The following CARD14 variants were observed in gnomAD, a reference collection of about 807,000 sequenced individuals.
The protein encoded by CARD14 is caspase recruitment domain family member 14.
A neutral mutation model predicts 111.5 loss-of-function variants in CARD14; 107 were observed. That is an observed-to-expected ratio of 0.96 (90% confidence interval 0.82 to 1.13). The LOEUF (loss-of-function observed/expected upper bound fraction) is 1.13, where lower values mean the gene tolerates loss of function less well. CARD14 is among the 50% of genes most tolerant of loss of function. The pLI is 0.00. For missense variants in CARD14, 1,322 were observed against 1,362.3 expected, an observed-to-expected ratio of 0.97 and a Z score of 0.47; for synonymous variants, 617 against 579.6, an observed-to-expected ratio of 1.06 and a Z score of -0.93.
chr17:80,179,188 G>A lies in CARD14; in HGVS notation c.-134G>A, dbSNP rs2040094756. ...AAAGAATCAAGTCACAGGAATTCAT[G>A]GGTCTGTAAGGAATCGCTCCCATCT... On this transcript the variant is annotated 5_prime_UTR_variant, in exon 4 of 24. The change abolishes an upstream ATG in the 5' untranslated region. Transcript: ENST00000648509. 1 of 152,264 alleles carries A rather than the reference G, an allele frequency of 6.6e-6. No individual in the cohort carries two copies. Among genetic ancestry groups the A allele is most frequent in the South Asian group, 2.1e-4 (1 of 4,828 alleles). The allele number at this position is 152,264 out of a possible 1,614,324, so 9.4% of individuals were successfully genotyped here.
Position 80,198,606 on chromosome 17 carries a change from GCC to G in CARD14, c.1851+18_1851+19del, listed in dbSNP as rs773893409. ...AGATTGTGATGGTGAGCCGTGCGAG[GCC>G]CCTCCTGTCCCCCGGGCTCCTCATG... On this transcript the variant is annotated intron_variant, in intron 16 of 23. Transcript: ENST00000648509. The surrounding 1 kb of genome is among the most constrained non-coding windows in gnomAD (Gnocchi z 7.5). 7.4e-6 allele frequency: 12 copies of G among 1,610,972 alleles called. 1 individual carries two copies. In the South Asian group the frequency reaches 1.3e-4, roughly 18 times the overall value.
At position 80,207,105 on chromosome 17, in the gene CARD14, TG is replaced by T. The variant is rs577659879; in HGVS notation, c.2807+23del. 233 of 1,583,006 alleles carry T rather than the reference TG, an allele frequency of 1.5e-4. No homozygotes were observed. In the African/African-American group the frequency reaches 2.7e-3, roughly 19 times the overall value. ...GCTCAAGTAGGTGCACGCTGGGGGC[TG>T]GGCAGGGGCTTCGAAGCGGCTCCTG... On this transcript the variant is annotated intron_variant, in intron 23 of 23. Transcript: ENST00000648509.
intron 17 of CARD14, 50 bp from the exon 18 acceptor site, chr17:80,202,130 C>T: frequency 2.6e-6 from 4 of 1,512,850 alleles, no homozygotes; most frequent in Non-Finnish European, 2.7e-6. Context: ...ACCTTCCTCG[C>T]AGAGGCTCGT....
intron 4 of CARD14, 78 bp downstream of exon 4, chr17:80,179,379 A>G (rs896995516): frequency 4.6e-5 from 7 of 152,202 alleles, no homozygotes; most frequent in African/African-American, 1.7e-4. Flanking sequence ...AGCTGCATGT[A>G]TCAGTATGAG....
chr17:80,199,561 CAAAAAAA>C (rs34737700), intron 16 of CARD14, among the ~76,000 whole-genome samples: 4 of 68,782 alleles, frequency 5.8e-5, no homozygotes, highest in South Asian at 6.0e-4. Flanking sequence ...AGCCTTGTCT[CAAAAAAA>C]AAAAAAAAAA....
chr17:80,184,160 C>T lies in CARD14; in HGVS notation c.597C>T (p.Leu199=). 2 of 1,564,582 alleles carry T rather than the reference C, an allele frequency of 1.3e-6. No individual in the cohort carries two copies. The highest frequency in any genetic ancestry group is 1.7e-6 in the Non-Finnish European group (2 of 1,154,750). ...TGCTGAGGCTGAAGGACGAGATGCT[C>T]AGCCTCTCGCTGCACTATAGCAATG... ...HEVLRLKDEM[L]SLSLHYSNAL... is the part of the protein sequence containing the mutation. Residue 199 remains leucine (L), a synonymous_variant, in exon 7 of 24, where the codon CTC becomes CTT. Coordinates refer to ENST00000648509, the MANE Select transcript of CARD14 (RefSeq NM_001366385.1).
At position 80,201,890 on chromosome 17, in the gene CARD14, C is replaced by T. The variant is rs370551701; in HGVS notation, c.1978+20C>T. 55 of 1,596,422 alleles carry T rather than the reference C, an allele frequency of 3.4e-5. No individual in the cohort carries two copies. In the South Asian group the frequency reaches 4.6e-4, roughly 13 times the overall value. ...CGGACGGTACACATACCACTCCTCT[C>T]GTGTGCACAGCTGCCTGGCCAGACT... On this transcript the variant is annotated intron_variant, in intron 17 of 23. Transcript: ENST00000648509. This position sits in a 1 kb window ranked among gnomAD's most constrained non-coding sequence, Gnocchi z 5.0.
At chr17:80,192,429 C>A in intron 11 of CARD14, 74 bp from the exon 12 acceptor site, 1 of 1,121,068 alleles carries the variant, frequency 8.9e-7, no homozygotes, top group Non-Finnish European at 1.3e-6. Flanking sequence ...TGGTGCTGAC[C>A]TGGTAGAAAC....
rs1194257757 is a variant in CARD14 at position 80,201,327 on chromosome 17, G to C, written c.1852-417G>C. The C allele has an allele frequency of 5.7e-6, 1 of 174,164 alleles. No homozygotes were observed. The highest frequency in any genetic ancestry group is 5.5e-5 in the Admixed American group (1 of 18,026). The allele number at this position is 174,164 out of a possible 1,614,324, so 10.8% of individuals were successfully genotyped here. A position where few individuals can be genotyped will look rare whatever the true frequency, so the allele number is the denominator to read the frequency against. ...CAGGGCATCGGGTAGGTGAAGGCCAGGGATGCCACTCAGCATCCTGTAGGG... is the reference window on the plus strand; with the variant it reads ...CAGGGCATCGGGTAGGTGAAGGCCACGGATGCCACTCAGCATCCTGTAGGG... On this transcript the variant is annotated intron_variant, in intron 16 of 23. Transcript: ENST00000648509. This position sits in a 1 kb window ranked among gnomAD's most constrained non-coding sequence, Gnocchi z 5.0.
chr17:80,179,718 G>A (rs767340461), intron 4 of CARD14, among the ~76,000 whole-genome samples: 2 of 152,194 alleles, frequency 1.3e-5, no homozygotes, highest in Non-Finnish European at 2.9e-5. Context: ...TGCGGTCTCA[G>A]CTACTTGAGA....
intron 7 of CARD14, 45 bp downstream of exon 7, chr17:80,184,283 C>T: frequency 7.0e-7 from 1 of 1,428,776 alleles, no homozygotes; most frequent in Non-Finnish European, 9.3e-7. Context: ...CTGTCGTCTG[C>T]CCCCAGGCCT....
At chr17:80,181,330 C>T (rs973376212) in intron 4 of CARD14, 89 bp from the exon 5 acceptor site, 29 of 979,018 alleles carry the variant, frequency 3.0e-5, no homozygotes, top group African/African-American at 6.5e-5. Context: ...GCTAATTTTA[C>T]GATGGAGTTG....
At chr17:80,176,557 GACATTCCATCATCTGTAA>G (rs1370786597) in intron 2 of CARD14, among the ~76,000 whole-genome samples, 1 of 151,806 alleles carries the variant, frequency 6.6e-6, no homozygotes, top group Admixed American at 6.6e-5. Flanking sequence ...TTAACTTTAG[GACATTCCATCATCTGTAA>G]AGGAAACATC....
At chr17:80,174,433 G>A (rs761825645) in intron 2 of CARD14, among the ~76,000 whole-genome samples, 7 of 152,038 alleles carry the variant, frequency 4.6e-5, no homozygotes, top group Non-Finnish European at 7.4e-5. Context: ...GACTGGTCTG[G>A]AACTCCTGAC....
chr17:80,203,999 A>C lies in CARD14; in HGVS notation c.2283+114A>C. 1 of 910,144 alleles carries C rather than the reference A, an allele frequency of 1.1e-6. No homozygotes were observed. 56.4% of individuals were successfully genotyped at this position (910,144 alleles called of 1,614,324 possible). On this transcript the variant is annotated intron_variant, in intron 19 of 23. Transcript: ENST00000648509. The surrounding 1 kb of genome is among the most constrained non-coding windows in gnomAD (Gnocchi z 4.6). ...AGAGTGGGCTGCTGATTGGAGGGTA[A>C]CCCCACCTGTCTCTCCTCTGCACCC... is the stretch of plus-strand genomic sequence containing the variant.
chr17:80,193,995 C>T (rs958065286), intron 12 of CARD14, among the ~76,000 whole-genome samples: 4 of 152,230 alleles, frequency 2.6e-5, no homozygotes, highest in South Asian at 2.1e-4. Flanking sequence ...TCACCAGCCT[C>T]GTGGGCAACT....
At chr17:80,176,303 T>C in intron 2 of CARD14, among the ~76,000 whole-genome samples, 1 of 151,212 alleles carries the variant, frequency 6.6e-6, no homozygotes, top group Non-Finnish European at 1.5e-5. Flanking sequence ...GAGCCTGGCA[T>C]GGGGGCACAT....
chr17:80,193,896 G>A (rs150834621), intron 12 of CARD14, among the ~76,000 whole-genome samples: 385 of 152,216 alleles, frequency 2.5e-3, no homozygotes, highest in African/African-American at 8.5e-3. Flanking sequence ...GAGGCCAGCC[G>A]TGTTTCCCTT....
Position 80,188,465 on chromosome 17 carries a change from G to A in CARD14, c.764G>A (p.Ser255Asn), listed in dbSNP as rs1350155996. ...CAAGAGCAGTCCCTGAGGACAGCCA[G>A]CGACCAGGAGTCCGGGGATGAGGAG... ...ELQEQSLRTA[S>N]DQESGDEELN... Residue 255 changes from serine (S) to asparagine (N), a missense_variant, in exon 8 of 24, where the codon AGC (serine) becomes AAC (asparagine). Transcript: ENST00000648509. This position sits in a 1 kb window ranked among gnomAD's most constrained non-coding sequence, Gnocchi z 4.5. 1.9e-6 allele frequency: 3 copies of A among 1,599,636 alleles called. No homozygotes were observed. The highest frequency in any genetic ancestry group is 2.7e-5 in the African/African-American group (2 of 74,144).
Sources: gnomAD v4.1 joint callset for allele counts (sites outside exome capture counted in the v4.1 genomes callset) on GRCh38, gnomAD v4.1.1 for gene constraint, Gnocchi (gnomAD v3.1) non-coding constraint, MANE v1.5 for transcripts, NCBI Gene and HGNC (gene_info 2026-07-23, HGNC 2026-07-21) for gene names.